KIAA0825: variants seen among roughly 807,000 people sequenced by gnomAD.
The protein encoded by KIAA0825 is uncharacterized protein KIAA0825.
A neutral mutation model predicts 147.6 loss-of-function variants in KIAA0825; 119 were observed. The observed-to-expected ratio is 0.81, with a 90% CI of 0.69 to 0.94. KIAA0825 has a LOEUF of 0.94. KIAA0825 is among the 40% of genes least tolerant of loss of function. The pLI is 0.00. For synonymous variants in KIAA0825, 470 were observed against 518.1 expected, an observed-to-expected ratio of 0.91 and a Z score of 1.26; for missense variants, 1,381 against 1,472.7, an observed-to-expected ratio of 0.94 and a Z score of 1.02.
intron 20 of KIAA0825, among the ~76,000 whole-genome samples, chr5:94,206,434 T>G (rs1772204961): frequency 6.6e-6 from 1 of 152,170 alleles, no homozygotes; most frequent in Non-Finnish European, 1.5e-5. Context: ...TCATTTGCCT[T>G]TTGTTTATAG....
chr5:94,428,146 TGTGTGTG>T (rs1755156900), intron 14 of KIAA0825, among the ~76,000 whole-genome samples: 2 of 9,792 alleles, frequency 2.0e-4, no homozygotes, highest in Non-Finnish European at 3.0e-4. Context: ...GGTCTTGTTG[TGTGTGTG>T]TGTGTGTGTG....
At chr5:94,408,928 A>G (rs1457800382) in intron 15 of KIAA0825, among the ~76,000 whole-genome samples, 6 of 152,238 alleles carry the variant, frequency 3.9e-5, no homozygotes, top group Non-Finnish European at 5.9e-5. Flanking sequence ...GTTACTTAGC[A>G]TAGCAAATAT....
chr5:94,334,867 A>G (rs1781650959), intron 20 of KIAA0825, among the ~76,000 whole-genome samples: 1 of 152,214 alleles, frequency 6.6e-6, no homozygotes, highest in Admixed American at 6.5e-5. Context: ...TCAGAAGAGC[A>G]ACATGCTTTA....
At chr5:94,555,380 C>T (rs1017522208) in intron 2 of KIAA0825, among the ~76,000 whole-genome samples, 4 of 152,068 alleles carry the variant, frequency 2.6e-5, no homozygotes. Context: ...CTTATATAGA[C>T]TGCTATGCTT....
chr5:94,385,530 TTGTC>T (rs1229971466), intron 19 of KIAA0825, among the ~76,000 whole-genome samples: 5 of 152,318 alleles, frequency 3.3e-5, no homozygotes, highest in Non-Finnish European at 7.3e-5. Flanking sequence ...TTAGTTCAAA[TTGTC>T]TGTCAAGAGG....
At chr5:94,290,191 T>C (rs1431163424) in intron 20 of KIAA0825, among the ~76,000 whole-genome samples, 2 of 152,146 alleles carry the variant, frequency 1.3e-5, no homozygotes, top group African/African-American at 2.4e-5. Context: ...ATGTGCAAGT[T>C]TGTTACATAG....
intron 20 of KIAA0825, among the ~76,000 whole-genome samples, chr5:94,205,278 T>TATAC (rs1395998820): frequency 7.2e-6 from 1 of 139,144 alleles, no homozygotes; most frequent in East Asian, 2.0e-4. Context: ...CATATATATA[T>TATAC]ATATATATAT....
At chr5:94,246,478 G>T (rs1775620984) in intron 20 of KIAA0825, among the ~76,000 whole-genome samples, 1 of 152,008 alleles carries the variant, frequency 6.6e-6, no homozygotes, top group South Asian at 2.1e-4. Context: ...TGGGAGAGTG[G>T]GTGGGTCAGG....
chr5:94,421,094 G>A (rs1170539766), intron 14 of KIAA0825, among the ~76,000 whole-genome samples: 1 of 152,052 alleles, frequency 6.6e-6, no homozygotes, highest in African/African-American at 2.4e-5. Context: ...TCTTTTATCT[G>A]GGGTTGGCAA....
chr5:94,428,466 G>A (rs1755205833), intron 14 of KIAA0825, among the ~76,000 whole-genome samples: 1 of 152,076 alleles, frequency 6.6e-6, no homozygotes, highest in Admixed American at 6.5e-5. Flanking sequence ...CTTAGTGCTT[G>A]CTTGTCTGGG....
At chr5:94,468,440 G>T (rs74939426) in intron 10 of KIAA0825, among the ~76,000 whole-genome samples, 1 of 152,142 alleles carries the variant, frequency 6.6e-6, no homozygotes, top group African/African-American at 2.4e-5. Context: ...ATATGATGCT[G>T]CCAGGAGAGG....
chr5:94,306,485 G>A (rs1040053907), intron 20 of KIAA0825, among the ~76,000 whole-genome samples: 14 of 151,684 alleles, frequency 9.2e-5, no homozygotes, highest in South Asian at 2.1e-4. Flanking sequence ...TTTTTCACAC[G>A]GGAGAAATGT....
At chr5:94,167,020 A>G (rs1217163820) in intron 20 of KIAA0825, among the ~76,000 whole-genome samples, 1 of 152,074 alleles carries the variant, frequency 6.6e-6, no homozygotes, top group East Asian at 1.9e-4. Flanking sequence ...ACAAACCAGA[A>G]TATTCATCTT....
At chr5:94,473,263 A>G (rs1249071061) in intron 8 of KIAA0825, 29 bp downstream of exon 8, 16 of 1,504,368 alleles carry the variant, frequency 1.1e-5, no homozygotes, top group African/African-American at 4.2e-5. Context: ...CATGCCAGTC[A>G]GCAGTTTGAA....
intron 12 of KIAA0825, among the ~76,000 whole-genome samples, chr5:94,458,658 G>A (rs1419039429): frequency 6.6e-6 from 1 of 151,880 alleles, no homozygotes; most frequent in African/African-American, 2.4e-5. Context: ...TTACAGGAAG[G>A]TGGAAAAAGG....
At chr5:94,364,267 G>A (rs370708179) in intron 20 of KIAA0825, among the ~76,000 whole-genome samples, 3 of 151,946 alleles carry the variant, frequency 2.0e-5, no homozygotes, top group South Asian at 4.2e-4. Context: ...GTGGGTCTTC[G>A]ACGGGCAGAG....
intron 20 of KIAA0825, among the ~76,000 whole-genome samples, chr5:94,299,337 C>T (rs1778277807): frequency 6.6e-6 from 1 of 151,756 alleles, no homozygotes; most frequent in African/African-American, 2.4e-5. Context: ...CCATCTCAGC[C>T]TCCTGAGTAG....
chr5:94,525,287 C>G (rs148245186), intron 3 of KIAA0825, among the ~76,000 whole-genome samples: 19 of 151,928 alleles, frequency 1.3e-4, no homozygotes, highest in African/African-American at 4.3e-4. Context: ...AGATGTCATA[C>G]GAAAGACTCT....
intron 3 of KIAA0825, among the ~76,000 whole-genome samples, chr5:94,533,119 C>T (rs1481985595): frequency 4.0e-5 from 6 of 151,398 alleles, no homozygotes; most frequent in East Asian, 3.9e-4. Flanking sequence ...GCTGGGACTA[C>T]AGGCGCCCGC....
Sources: gnomAD v4.1 joint callset for allele counts (sites outside exome capture counted in the v4.1 genomes callset) on GRCh38, gnomAD v4.1.1 for gene constraint, MANE v1.5 for transcripts, NCBI Gene and HGNC (gene_info 2026-07-23, HGNC 2026-07-21) for gene names.